The following TCF7L2 variants were observed in gnomAD, a reference collection of about 807,000 sequenced individuals.
The protein encoded by TCF7L2 is transcription factor 7-like 2.
TCF7L2 carries 23 observed loss-of-function variants against 77.9 expected under a neutral mutation model. That is an observed-to-expected ratio of 0.30 (90% confidence interval 0.21 to 0.42). The LOEUF (loss-of-function observed/expected upper bound fraction) is 0.42, where lower values mean the gene tolerates loss of function less well. TCF7L2 is among the 10% of genes least tolerant of loss of function. The pLI is 1.00. For synonymous variants in TCF7L2, 413 were observed against 340.2 expected (o/e 1.21, Z -2.36); for missense variants, 654 against 793.1 (o/e 0.82, Z 2.11).
chr10:112,956,344 C>CTTTTTTTTTTTT (rs10711698), intron 3 of TCF7L2, among the ~76,000 whole-genome samples: 2 of 112,250 alleles, frequency 1.8e-5, no homozygotes, highest in Non-Finnish European at 3.6e-5. Flanking sequence ...AGTGATTTAC[C>CTTTTTTTTTTTT]TTTTTTTTTT....
At position 113,165,605 on chromosome 10, in the gene TCF7L2, G is replaced by A. The variant is rs191844653; in HGVS notation, c.1442G>A (p.Ser481Asn). 6.2e-7 allele frequency: 1 copy of A among 1,613,986 alleles called. No individual in the cohort carries two copies. The highest frequency in any genetic ancestry group is 8.5e-7 in the Non-Finnish European group (1 of 1,179,972). ...ATACAAGGTGAAGGCAGCTGCCTCA[G>A]CCCACCCTCTTCAGATGGAAGCTTA... The change falls in exon 14 of 14, where the codon AGC becomes AAC. Residue 481 changes from serine (S) to asparagine (N), a missense_variant. Transcript: ENST00000627217.
intron 13 of TCF7L2, among the ~76,000 whole-genome samples, chr10:113,164,908 C>T (rs1268950479): frequency 1.3e-5 from 2 of 152,192 alleles, no homozygotes; most frequent in Non-Finnish European, 2.9e-5. Context: ...GCGCCAGCAG[C>T]CTCATGGTGG....
In TCF7L2 at chr10:113,151,913, G is replaced by A. The variant is rs3902056; in HGVS notation, c.1161+29G>A. 158 of 1,579,136 alleles carry A rather than the reference G, an allele frequency of 1.0e-4. 1 individual carries two copies. The highest frequency in any genetic ancestry group is 1.3e-4 in the Admixed American group (7 of 51,996). On this transcript the variant is annotated intron_variant, in intron 10 of 13. Transcript: ENST00000627217. The surrounding 1 kb of genome is among the most constrained non-coding windows in gnomAD (Gnocchi z 5.2). ...GGTGACGCCCTTCTCAGGGAGAAGC[G>A]GGGGGCGGGTGGTGAGGGACCAGAG...
chr10:112,951,411 C>A, intron 2 of TCF7L2, 72 bp from the exon 3 acceptor site: 2 of 1,288,254 alleles, frequency 1.6e-6, no homozygotes, highest in Non-Finnish European at 1.0e-6. Context: ...GGGGCACTTT[C>A]TAAAAAGTTT....
At chr10:113,108,402 CT>C (rs2062683333) in intron 5 of TCF7L2, among the ~76,000 whole-genome samples, 1 of 151,852 alleles carries the variant, frequency 6.6e-6, no homozygotes, top group Non-Finnish European at 1.5e-5. Context: ...GGCCGTTAAA[CT>C]TGGGGCAATC....
At chr10:113,128,560 A>G (rs1298050724) in intron 5 of TCF7L2, among the ~76,000 whole-genome samples, 1 of 152,192 alleles carries the variant, frequency 6.6e-6, no homozygotes, top group Non-Finnish European at 1.5e-5. Context: ...GCTTCAAGCC[A>G]CACAAGTCCA....
In TCF7L2 at chr10:113,090,540, C is replaced by T. The variant is rs529588626; in HGVS notation, c.552+50414C>T. 2.0e-5 allele frequency among the ~76,000 whole-genome samples: 3 copies of T among 152,310 alleles called. No individual in the cohort carries two copies. The South Asian group carries it at 6.2e-4, about 32-fold the overall frequency. ...TGGCGTAGGAAGTGATGAATAGCCACATAAGACAACTAGAAACTGTAAAAA... is the reference window on the plus strand; with the variant it reads ...TGGCGTAGGAAGTGATGAATAGCCATATAAGACAACTAGAAACTGTAAAAA... On this transcript the variant is annotated intron_variant, in intron 5 of 13. Coordinates refer to ENST00000627217, the MANE Select transcript of TCF7L2 (RefSeq NM_001146274.2).
chr10:113,072,510 G>T (rs574802546), intron 5 of TCF7L2, among the ~76,000 whole-genome samples: 1 of 151,862 alleles, frequency 6.6e-6, no homozygotes, highest in Non-Finnish European at 1.5e-5. Flanking sequence ...GTGTGCCACC[G>T]CCTCCAGCTA....
chr10:112,998,045 G>A (rs2043815282), intron 4 of TCF7L2, among the ~76,000 whole-genome samples: 1 of 151,352 alleles, frequency 6.6e-6, no homozygotes, highest in African/African-American at 2.4e-5. Flanking sequence ...TACTATAGAA[G>A]ATGCAGAGAG....
intron 13 of TCF7L2, among the ~76,000 whole-genome samples, chr10:113,164,570 G>T (rs2073755698): frequency 6.7e-6 from 1 of 148,876 alleles, no homozygotes; most frequent in Admixed American, 6.8e-5. Flanking sequence ...TCACTACGGG[G>T]TGGGGGAGGG....
At chr10:113,129,449 G>T in intron 5 of TCF7L2, 1 of 1,007,528 alleles carries the variant, frequency 9.9e-7, no homozygotes, top group Non-Finnish European at 1.2e-6. Context: ...CTTCCTTCAC[G>T]GATTCTGTAG....
chr10:113,002,609 G>T (rs974270609), intron 4 of TCF7L2, among the ~76,000 whole-genome samples: 1 of 152,140 alleles, frequency 6.6e-6, no homozygotes, highest in African/African-American at 2.4e-5. Context: ...CATGATCGCT[G>T]TGGGGGATGC....
chr10:113,124,282 A>G (rs1198433821), intron 5 of TCF7L2, among the ~76,000 whole-genome samples: 1 of 152,222 alleles, frequency 6.6e-6, no homozygotes, highest in Non-Finnish European at 1.5e-5. Flanking sequence ...CCCTTTTCGA[A>G]CAAAACTCTA....
chr10:113,098,932 G>T (rs150220369), intron 5 of TCF7L2, among the ~76,000 whole-genome samples: 11 of 152,078 alleles, frequency 7.2e-5, no homozygotes, highest in African/African-American at 2.2e-4. Flanking sequence ...AGATAGTGCC[G>T]ACTTGATTCA....
intron 4 of TCF7L2, among the ~76,000 whole-genome samples, chr10:113,024,289 G>A (rs574064024): frequency 1.3e-3 from 191 of 152,120 alleles, no homozygotes; most frequent in African/African-American, 4.5e-3. Context: ...ACAACAAAGC[G>A]AGACTCTCAC....
At chr10:113,002,447 GA>G (rs1158606125) in intron 4 of TCF7L2, among the ~76,000 whole-genome samples, 1 of 152,156 alleles carries the variant, frequency 6.6e-6, no homozygotes, top group Non-Finnish European at 1.5e-5. Context: ...GGATGCTATT[GA>G]ACATCCTGCA....
At chr10:113,123,097 C>CT (rs1416162816) in intron 5 of TCF7L2, among the ~76,000 whole-genome samples, 1 of 152,192 alleles carries the variant, frequency 6.6e-6, no homozygotes, top group Non-Finnish European at 1.5e-5. Flanking sequence ...CTGTGCTAGA[C>CT]TTTGAAGTCA....
intron 5 of TCF7L2, among the ~76,000 whole-genome samples, chr10:113,074,155 G>A (rs917244524): frequency 6.6e-6 from 1 of 152,162 alleles, no homozygotes; most frequent in Non-Finnish European, 1.5e-5. Context: ...CGTCATCTTG[G>A]ATCTTTTAGA....
At position 113,021,929 on chromosome 10, in the gene TCF7L2, G is replaced by A. The variant is rs2048324968; in HGVS notation, c.451-18096G>A. On this transcript the variant is annotated intron_variant, in intron 4 of 13. Coordinates refer to ENST00000627217, the MANE Select transcript of TCF7L2 (RefSeq NM_001146274.2). ...GCTGACCCTTGTTTTTATGCCTTGC[G>A]CTGGTAAGCTTGGGGCACCAGGAGT... Among the ~76,000 whole-genome samples, 3 of 152,266 alleles carry A rather than the reference G, an allele frequency of 2.0e-5. 1 individual carries two copies. In the South Asian group the frequency reaches 6.2e-4, roughly 32 times the overall value.
Sources: gnomAD v4.1 joint callset for allele counts (sites outside exome capture counted in the v4.1 genomes callset) on GRCh38, gnomAD v4.1.1 for gene constraint, Gnocchi (gnomAD v3.1) non-coding constraint, MANE v1.5 for transcripts, NCBI Gene and HGNC (gene_info 2026-07-23, HGNC 2026-07-21) for gene names.